PLEKHM3: variants seen among roughly 807,000 people sequenced by gnomAD.
PLEKHM3 encodes the protein pleckstrin homology domain-containing family M member 3.
PLEKHM3 carries 45 observed loss-of-function variants against 81.8 expected under a neutral mutation model. The observed-to-expected ratio is 0.55, with a 90% CI of 0.43 to 0.71. PLEKHM3 has a LOEUF of 0.71. Among genes scored for constraint, PLEKHM3 ranks in the 30% least tolerant of loss-of-function variants. The pLI, the probability that PLEKHM3 is intolerant of heterozygous loss-of-function variation, is 0.00. For missense variants in PLEKHM3, 788 were observed against 924.3 expected (o/e 0.85, Z 1.91); for synonymous variants, 352 against 356.4 (o/e 0.99, Z 0.14).
At chr2:207,892,568 C>T (rs550279913) in intron 6 of PLEKHM3, among the ~76,000 whole-genome samples, 2 of 152,262 alleles carry the variant, frequency 1.3e-5, no homozygotes, top group South Asian at 2.1e-4. Context: ...TGGAACCCTT[C>T]CCTCTCCACC....
chr2:208,013,408 G>A (rs1381502273), intron 1 of PLEKHM3, among the ~76,000 whole-genome samples: 1 of 152,022 alleles, frequency 6.6e-6, no homozygotes, highest in Non-Finnish European at 1.5e-5. Context: ...CCCAGTTACT[G>A]AGGAGGCTGA....
rs761499733 is a variant in PLEKHM3 at position 207,828,513 on chromosome 2, T to C, written c.2109-17A>G. 43 of 1,610,756 alleles carry C rather than the reference T, an allele frequency of 2.7e-5. No homozygotes were observed. The East Asian group carries it at 7.4e-4, about 28-fold the overall frequency. ...CTTTCACACCTGCAAAAGTCAACCA[T>C]GGATATGATGAGCAAGACTGAAGCC... is the stretch of plus-strand genomic sequence containing the variant. On this transcript the variant is annotated splice_polypyrimidine_tract_variant and intron_variant, in intron 7 of 7. Coordinates refer to ENST00000427836, the MANE Select transcript of PLEKHM3 (RefSeq NM_001080475.3).
intron 6 of PLEKHM3, among the ~76,000 whole-genome samples, chr2:207,863,663 T>G (rs1419002771): frequency 6.6e-6 from 1 of 152,072 alleles, no homozygotes; most frequent in Non-Finnish European, 1.5e-5. Flanking sequence ...TCGAGTTGGG[T>G]CATTTGTCCA....
chr2:207,944,997 G>T (rs1361088632), intron 4 of PLEKHM3, among the ~76,000 whole-genome samples: 1 of 151,996 alleles, frequency 6.6e-6, no homozygotes. Context: ...CTTGTTTCTT[G>T]TTTCTCTCTC....
intron 2 of PLEKHM3, among the ~76,000 whole-genome samples, chr2:207,998,114 T>C (rs759804458): frequency 6.6e-6 from 1 of 152,132 alleles, no homozygotes; most frequent in Non-Finnish European, 1.5e-5. Context: ...AATAGGAATA[T>C]GATTTATCTT....
chr2:207,889,400 A>G (rs1687978995), intron 6 of PLEKHM3, among the ~76,000 whole-genome samples: 1 of 150,882 alleles, frequency 6.6e-6, no homozygotes, highest in East Asian at 2.0e-4. Flanking sequence ...CTCAACTAGA[A>G]TACACATTTA....
intron 6 of PLEKHM3, chr2:207,901,139 G>A (rs901569380): frequency 3.1e-6 from 2 of 639,890 alleles, no homozygotes; most frequent in Non-Finnish European, 5.7e-6. Context: ...TGGGCAACAG[G>A]GCTCTCTATC....
chr2:207,962,456 T>C (rs971497993), intron 3 of PLEKHM3, among the ~76,000 whole-genome samples: 28 of 152,254 alleles, frequency 1.8e-4, no homozygotes, highest in Non-Finnish European at 5.9e-5. Flanking sequence ...TGGCTGTTCC[T>C]GGTTTTTATC....
chr2:207,851,941 G>A (rs914144150), intron 7 of PLEKHM3, among the ~76,000 whole-genome samples: 1 of 152,052 alleles, frequency 6.6e-6, no homozygotes, highest in Non-Finnish European at 1.5e-5. Flanking sequence ...TGCACAGGAG[G>A]TGGAAGCTCT....
chr2:207,970,068 G>A (rs1209189657), intron 3 of PLEKHM3, among the ~76,000 whole-genome samples: 1 of 152,054 alleles, frequency 6.6e-6, no homozygotes, highest in Non-Finnish European at 1.5e-5. Context: ...TACGGGGAGA[G>A]GAAGTTAGCT....
intron 7 of PLEKHM3, 124 bp downstream of exon 7, chr2:207,860,981 G>A: frequency 8.5e-7 from 1 of 1,172,798 alleles, no homozygotes; most frequent in East Asian, 2.4e-5. Flanking sequence ...CCAAGAACAA[G>A]GAAAACCTGA....
At chr2:207,925,492 A>G (rs1002827836) in intron 5 of PLEKHM3, among the ~76,000 whole-genome samples, 2 of 152,228 alleles carry the variant, frequency 1.3e-5, no homozygotes, top group African/African-American at 2.4e-5. Flanking sequence ...TGTTCTGGGC[A>G]TTAAATCCCT....
chr2:208,000,387 C>T (rs1337312026), intron 2 of PLEKHM3, among the ~76,000 whole-genome samples: 2 of 152,186 alleles, frequency 1.3e-5, no homozygotes, highest in African/African-American at 4.8e-5. Flanking sequence ...CCCTTGCAAG[C>T]CAAGCCCTTC....
At chr2:207,848,788 G>A (rs1472630059) in intron 7 of PLEKHM3, among the ~76,000 whole-genome samples, 3 of 152,206 alleles carry the variant, frequency 2.0e-5, no homozygotes, top group African/African-American at 7.2e-5. Context: ...AATTCAAAAC[G>A]TTGAGCGTGT....
chr2:208,010,108 G>A (rs1692640585), intron 1 of PLEKHM3, among the ~76,000 whole-genome samples: 1 of 152,180 alleles, frequency 6.6e-6, no homozygotes, highest in Non-Finnish European at 1.5e-5. Flanking sequence ...ATGACTTAGA[G>A]CTCAAGCTCT....
chr2:207,846,637 C>A (rs537236988), intron 7 of PLEKHM3, among the ~76,000 whole-genome samples: 19 of 151,772 alleles, frequency 1.3e-4, no homozygotes, highest in African/African-American at 3.9e-4. Context: ...GTGAGAGGAT[C>A]GTTTGAGCCT....
chr2:207,830,909 C>T (rs937844706), intron 7 of PLEKHM3, among the ~76,000 whole-genome samples: 2 of 152,208 alleles, frequency 1.3e-5, no homozygotes, highest in African/African-American at 2.4e-5. Context: ...CTAAGCCACC[C>T]AGTCTGTGGT....
chr2:207,949,759 T>A (rs1369045661), intron 3 of PLEKHM3, among the ~76,000 whole-genome samples: 1 of 152,144 alleles, frequency 6.6e-6, no homozygotes, highest in Non-Finnish European at 1.5e-5. Context: ...ATAGTTTAAA[T>A]TCTCACCAAA....
chr2:207,948,306 T>A (rs1690204314), intron 3 of PLEKHM3, among the ~76,000 whole-genome samples: 1 of 151,754 alleles, frequency 6.6e-6, no homozygotes, highest in Admixed American at 6.6e-5. Context: ...CATGCCTTTT[T>A]ATGGGCTTGT....
Sources: allele counts gnomAD v4.1 joint callset (sites outside exome capture counted in the v4.1 genomes callset), GRCh38; gene constraint gnomAD v4.1.1; transcripts MANE v1.5; gene names NCBI Gene and HGNC (gene_info 2026-07-23, HGNC 2026-07-21).